The following LZTFL1 variants were observed in gnomAD, a reference collection of about 807,000 sequenced individuals.
The protein encoded by LZTFL1 is leucine zipper transcription factor like 1.
A neutral mutation model predicts 45.9 loss-of-function variants in LZTFL1; 25 were observed. That is an observed-to-expected ratio of 0.54 (90% CI 0.40 to 0.76). The LOEUF is 0.76. LZTFL1 is among the 30% of genes least tolerant of loss of function. LZTFL1 has a pLI of 0.00. For synonymous variants in LZTFL1, 93 were observed against 117.4 expected (o/e 0.79, Z 1.35); for missense variants, 277 against 331.1 (o/e 0.84, Z 1.27).
At chr3:45,845,228 C>A (rs1406390062), upstream of LZTFL1, among the ~76,000 whole-genome samples, 4 of 152,138 alleles carry the variant, frequency 2.6e-5, no homozygotes, top group Non-Finnish European at 4.4e-5. Flanking sequence ...TCGCAAGACA[C>A]AATGGGGAAG....
chr3:45,878,489 T>C (rs183178464), intron 2 of LZTFL1, among the ~76,000 whole-genome samples: 31 of 151,584 alleles, frequency 2.0e-4, no homozygotes, highest in East Asian at 1.9e-3. Context: ...ATGGACAAAG[T>C]GGGGCAGGGT....
chr3:45,870,411 T>G (rs1426348972), intron 2 of LZTFL1, among the ~76,000 whole-genome samples: 1 of 152,200 alleles, frequency 6.6e-6, no homozygotes, highest in Non-Finnish European at 1.5e-5. Context: ...GGTAGCACAG[T>G]GTGGCATAGG....
intron 1 of LZTFL1, among the ~76,000 whole-genome samples, chr3:45,914,083 G>A (rs1702851274): frequency 6.6e-6 from 1 of 152,166 alleles, no homozygotes. Flanking sequence ...AGACGGCCTG[G>A]TTCCAAGATT....
chr3:45,847,325 T>C (rs1701233515), intron 4 of LZTFL1, among the ~76,000 whole-genome samples: 1 of 152,186 alleles, frequency 6.6e-6, no homozygotes, highest in South Asian at 2.1e-4. Flanking sequence ...ACATCTGCAG[T>C]GGTGTGTAAT....
upstream of LZTFL1, among the ~76,000 whole-genome samples, chr3:45,845,809 T>C (rs970718228): frequency 6.6e-6 from 1 of 152,158 alleles, no homozygotes; most frequent in Non-Finnish European, 1.5e-5. Flanking sequence ...GGCTGTGTAG[T>C]CCTATTGGAA....
chr3:45,829,722 G>A (rs1028116305), intron 7 of LZTFL1, among the ~76,000 whole-genome samples: 4 of 150,982 alleles, frequency 2.6e-5, no homozygotes, highest in Non-Finnish European at 4.4e-5. Context: ...ATAAAAGCAC[G>A]TATTCACTGG....
At chr3:45,855,332 G>A (rs566192276) in intron 3 of LZTFL1, among the ~76,000 whole-genome samples, 9 of 152,062 alleles carry the variant, frequency 5.9e-5, no homozygotes, top group Non-Finnish European at 1.3e-4. Context: ...TCTCAATAGA[G>A]GCGGAAAAGG....
intron 3 of LZTFL1, among the ~76,000 whole-genome samples, chr3:45,857,490 C>A (rs781741267): frequency 3.3e-5 from 5 of 152,108 alleles, no homozygotes; most frequent in African/African-American, 7.2e-5. Flanking sequence ...GTGTAAAAAA[C>A]CTGCACGTCC....
chr3:45,834,637 G>C (rs988150640), intron 3 of LZTFL1: 1 of 171,734 alleles, frequency 5.8e-6, no homozygotes, highest in Non-Finnish European at 1.2e-5. Flanking sequence ...ATTACATAAT[G>C]TGTATTGTTA....
At chr3:45,885,129 T>C (rs1021083572) in intron 2 of LZTFL1, among the ~76,000 whole-genome samples, 1 of 152,198 alleles carries the variant, frequency 6.6e-6, no homozygotes, top group Non-Finnish European at 1.5e-5. Context: ...ATCCCTTTGC[T>C]CTACGGGAAC....
intron 2 of LZTFL1, among the ~76,000 whole-genome samples, chr3:45,859,257 T>G (rs1224367082): frequency 6.6e-6 from 1 of 152,220 alleles, no homozygotes; most frequent in South Asian, 2.1e-4. Context: ...CAGAAGGACA[T>G]CTGACTCTCC....
intron 1 of LZTFL1, among the ~76,000 whole-genome samples, chr3:45,838,465 G>T (rs1701020186): frequency 6.6e-6 from 1 of 152,226 alleles, no homozygotes; most frequent in Non-Finnish European, 1.5e-5. Context: ...TCACTGAACT[G>T]AGATGAGCAG....
intron 2 of LZTFL1, among the ~76,000 whole-genome samples, chr3:45,861,972 C>T (rs373089165): frequency 5.9e-5 from 9 of 152,160 alleles, no homozygotes; most frequent in African/African-American, 1.7e-4. Context: ...TTATTCCCCA[C>T]CTGGTGGTCA....
chr3:45,830,084 G>A (rs1472006957), intron 7 of LZTFL1, among the ~76,000 whole-genome samples: 1 of 152,110 alleles, frequency 6.6e-6, no homozygotes, highest in African/African-American at 2.4e-5. Flanking sequence ...AGTGCATGGG[G>A]GTTCATTATA....
chr3:45,892,988 A>G (rs950476791), intron 2 of LZTFL1, among the ~76,000 whole-genome samples: 10 of 152,192 alleles, frequency 6.6e-5, no homozygotes, highest in African/African-American at 2.4e-4. Flanking sequence ...AGGTCCAATT[A>G]TAATAAACTG....
rs187790734 is a variant in LZTFL1, at chr3:45,847,559, A to G, written c.-49+7427T>C. On this transcript the variant is annotated intron_variant, in intron 4 of 4. Transcript: ENST00000472635. Reference sequence around the variant, plus strand: ...GCCAGGGGCATTGTCCAATATAAAAAGAAAACTTTAAAAGTCAGTCCCTTA... The same window carrying G: ...GCCAGGGGCATTGTCCAATATAAAAGGAAAACTTTAAAAGTCAGTCCCTTA... 3.9e-5 allele frequency among the ~76,000 whole-genome samples: 6 copies of G among 152,364 alleles called. No individual in the cohort carries two copies. In the East Asian group the frequency reaches 1.2e-3, roughly 29 times the overall value.
chr3:45,837,909 A>G lies in LZTFL1; in HGVS notation c.128+18T>C. On this transcript the variant is annotated intron_variant, in intron 2 of 9. Coordinates refer to ENST00000296135, the MANE Select transcript of LZTFL1 (RefSeq NM_020347.4). ...ATCCATGTTCCTATTTGGTTTGCTT[A>G]GAGTCCTCCTCTGATACCTGCTCTC... 5 of 1,592,716 alleles carry G rather than the reference A, an allele frequency of 3.1e-6. No individual in the cohort carries two copies. The highest frequency in any genetic ancestry group is 4.3e-6 in the Non-Finnish European group (5 of 1,173,100).
At chr3:45,867,017 G>A (rs542051574) in intron 2 of LZTFL1, among the ~76,000 whole-genome samples, 8 of 151,802 alleles carry the variant, frequency 5.3e-5, no homozygotes, top group South Asian at 2.1e-4. Flanking sequence ...GCATGGTGGC[G>A]CATGCCTGTA....
rs1700632260 is a variant in LZTFL1, at chr3:45,825,146, T to G, written c.*1168A>C. 2 of 355,390 alleles carry G rather than the reference T, an allele frequency of 5.6e-6. No homozygotes were observed. The highest frequency in any genetic ancestry group is 4.7e-5 in the Admixed American group (1 of 21,466). 22.0% of individuals were successfully genotyped at this position (355,390 alleles called of 1,614,324 possible). ...TAAACTCGTTTCTTGGAATAAAATC[T>G]TCATTTGTGGAAATGGAATGATGTC... On this transcript the variant is annotated 3_prime_UTR_variant, in exon 10 of 10. Coordinates refer to ENST00000296135, the MANE Select transcript of LZTFL1 (RefSeq NM_020347.4).
Sources: allele counts gnomAD v4.1 joint callset (sites outside exome capture counted in the v4.1 genomes callset), GRCh38; gene constraint gnomAD v4.1.1; transcripts MANE v1.5; gene names NCBI Gene and HGNC (gene_info 2026-07-23, HGNC 2026-07-21).